The following RANBP3 variants were observed in gnomAD, a reference collection of about 807,000 sequenced individuals.
RANBP3 encodes the protein RAN binding protein 3, also known as ran-binding protein 3.
In RANBP3, 14 loss-of-function variants were observed where a neutral mutation model predicts 77.3. The observed-to-expected ratio is 0.18, with a 90% CI of 0.12 to 0.28. The LOEUF (loss-of-function observed/expected upper bound fraction) is 0.28. RANBP3 is among the 10% of genes least tolerant of loss of function. The pLI is 1.00. For synonymous variants in RANBP3, 315 were observed against 312.4 expected (o/e 1.01, Z -0.09); for missense variants, 586 against 752.3 (o/e 0.78, Z 2.59).
chr19:5,958,045 G>A lies in RANBP3; in HGVS notation c.23-72C>T. The A allele has an allele frequency of 7.5e-7, 1 of 1,326,442 alleles. No individual in the cohort carries two copies. Among genetic ancestry groups the A allele is most frequent in the South Asian group, 1.2e-5 (1 of 84,014 alleles). The allele number at this position is 1,326,442 out of a possible 1,614,324, so 82.2% of individuals were successfully genotyped here. On this transcript the variant is annotated intron_variant, in intron 1 of 16. Coordinates refer to ENST00000340578, the MANE Select transcript of RANBP3 (RefSeq NM_007322.3). This position sits in a 1 kb window ranked among gnomAD's most constrained non-coding sequence, Gnocchi z 4.4. ...ACAGTAAACAAAGCTACACTTGTTTGTAATATGTTAAACATATATATAAAT... is the reference window on the plus strand; with the variant it reads ...ACAGTAAACAAAGCTACACTTGTTTATAATATGTTAAACATATATATAAAT...
Position 5,955,807 on chromosome 19 carries a change from G to A in RANBP3, c.78+2111C>T, listed in dbSNP as rs377522392. On this transcript the variant is annotated intron_variant, in intron 2 of 16. Coordinates refer to ENST00000340578, the MANE Select transcript of RANBP3 (RefSeq NM_007322.3). ...GTAGCAGCCACAGGCAACCGCAAAG[G>A]GGATAGTTGTGGCTCTGTTCTTGTT... 1.6e-3 allele frequency among the ~76,000 whole-genome samples: 248 copies of A among 152,316 alleles called. 1 individual carries two copies. Among genetic ancestry groups the A allele is most frequent in the South Asian group, 6.0e-3 (29 of 4,830 alleles).
intron 6 of RANBP3, 155 bp from the exon 7 acceptor site, chr19:5,932,699 C>T: frequency 1.7e-6 from 1 of 601,696 alleles, no homozygotes; most frequent in East Asian, 2.8e-5. Context: ...TTTTTAACAG[C>T]TGGCCAGGAG....
chr19:5,938,460 C>G (rs942014340), intron 5 of RANBP3, among the ~76,000 whole-genome samples: 1 of 152,120 alleles, frequency 6.6e-6, no homozygotes, highest in Non-Finnish European at 1.5e-5. Flanking sequence ...GAGGCTGAGG[C>G]GGGAAGCTCG....
intron 6 of RANBP3, chr19:5,933,047 C>A (rs2058015685): frequency 3.6e-6 from 1 of 276,046 alleles, no homozygotes; most frequent in Non-Finnish European, 6.9e-6. Context: ...TAGCAGCGCG[C>A]CGCTGGAATG....
In RANBP3 at chr19:5,924,786, A is replaced by G. The variant is rs759271392; in HGVS notation, c.996+41T>C. The G allele has an allele frequency of 9.5e-6, 15 of 1,579,194 alleles. No homozygotes were observed. In the Admixed American group the frequency reaches 1.5e-4, roughly 16 times the overall value. The stretch of plus-strand genomic sequence containing the variant: ...CCCTTGACCTGTGGCTGGCGCCGAG[A>G]GCCTCTGGTCCCTGAGAACATTCCC... On this transcript the variant is annotated intron_variant, in intron 11 of 16. Coordinates refer to ENST00000340578, the MANE Select transcript of RANBP3 (RefSeq NM_007322.3). The surrounding 1 kb of genome is among the most constrained non-coding windows in gnomAD (Gnocchi z 4.7).
At chr19:5,965,503 T>C (rs1173608457) in intron 1 of RANBP3, among the ~76,000 whole-genome samples, 2 of 152,104 alleles carry the variant, frequency 1.3e-5, no homozygotes, top group African/African-American at 4.8e-5. Context: ...ATGAATTCTG[T>C]GTCTATTTCA....
Position 5,921,042 on chromosome 19 carries a change from A to C in RANBP3, c.1330+159T>G. 3.7e-6 allele frequency: 3 copies of C among 806,688 alleles called. No homozygotes were observed. The highest frequency in any genetic ancestry group is 2.2e-5 in the South Asian group (1 of 44,548). The allele number at this position is 806,688 out of a possible 1,614,324, so 50.0% of individuals were successfully genotyped here. A position where few individuals can be genotyped will look rare whatever the true frequency, so the allele number is the denominator to read the frequency against. On this transcript the variant is annotated intron_variant, in intron 14 of 16. Transcript: ENST00000340578. This position sits in a 1 kb window ranked among gnomAD's most constrained non-coding sequence, Gnocchi z 5.3. ...GTGGTGTTGAGGGCTGGGTGCAGGG[A>C]GGGGGTTTGGGGGGCGGCTCTCATG...
chr19:5,929,850 C>T (rs896329045), intron 8 of RANBP3, among the ~76,000 whole-genome samples: 2 of 152,354 alleles, frequency 1.3e-5, no homozygotes, highest in Admixed American at 6.5e-5. Flanking sequence ...GGCCGCATGG[C>T]TCCACCCCAG....
intron 3 of RANBP3, among the ~76,000 whole-genome samples, chr19:5,947,388 C>G (rs1285470751): frequency 6.6e-6 from 1 of 151,916 alleles, no homozygotes; most frequent in Non-Finnish European, 1.5e-5. Context: ...TCCGAAGACT[C>G]GAGCTTAGTG....
intron 14 of RANBP3, among the ~76,000 whole-genome samples, chr19:5,919,447 G>A (rs1203106679): frequency 6.6e-6 from 1 of 152,212 alleles, no homozygotes; most frequent in Admixed American, 6.5e-5. Context: ...AAAGACAGAG[G>A]TGATTTTGCT....
At chr19:5,937,198 A>C (rs1362437611) in intron 5 of RANBP3, among the ~76,000 whole-genome samples, 1 of 152,026 alleles carries the variant, frequency 6.6e-6, no homozygotes, top group Non-Finnish European at 1.5e-5. Context: ...CCAGAGTCTA[A>C]AGTGTCTCTC....
At position 5,921,569 on chromosome 19, in the gene RANBP3, C is replaced by T. The variant is rs945989457; in HGVS notation, c.1210-248G>A. Among the ~76,000 whole-genome samples, 5 of 152,236 alleles carry T rather than the reference C, an allele frequency of 3.3e-5. No individual in the cohort carries two copies. The highest frequency in any genetic ancestry group is 7.3e-5 in the Non-Finnish European group (5 of 68,032). ...AACAACGGTGAGAAGCCTCTCTGCG[C>T]ACTCTAGGACGGCTATACCCATGTG... On this transcript the variant is annotated intron_variant, in intron 13 of 16. Transcript: ENST00000340578. The surrounding 1 kb of genome is among the most constrained non-coding windows in gnomAD (Gnocchi z 5.3).
At chr19:5,946,685 T>C (rs370816325) in intron 3 of RANBP3, among the ~76,000 whole-genome samples, 2 of 152,172 alleles carry the variant, frequency 1.3e-5, no homozygotes, top group Non-Finnish European at 2.9e-5. Flanking sequence ...CTCCACACCC[T>C]GCACCTTGCT....
At position 5,917,913 on chromosome 19, in the gene RANBP3, C is replaced by G. The variant is rs766342300; in HGVS notation, c.1541G>C (p.Arg514Pro). Residue 514 changes from arginine (R) to proline (P), a missense_variant, in exon 16 of 17, where the codon CGC becomes CCC. Coordinates refer to ENST00000340578, the MANE Select transcript of RANBP3 (RefSeq NM_007322.3). ...CTTGGCCTCCTGCTCCTGCTCCACG[C>G]GGCTGCGCAGGGCCAGGATGCGGTG... Reference protein sequence around the residue: ...LHHRILALRSRVEQEQEAKMP... With the variant: ...LHHRILALRSPVEQEQEAKMP... 28 of 1,612,928 alleles carry G rather than the reference C, an allele frequency of 1.7e-5. No homozygotes were observed. Among genetic ancestry groups the G allele is most frequent in the Non-Finnish European group, 2.4e-5 (28 of 1,179,866 alleles).
At chr19:5,970,351 CCACT>C (rs1468158012) in intron 1 of RANBP3, among the ~76,000 whole-genome samples, 2 of 152,144 alleles carry the variant, frequency 1.3e-5, no homozygotes, top group Admixed American at 6.5e-5. Context: ...CTCTCCCTCC[CCACT>C]CAGACTGTGG....
intron 1 of RANBP3, among the ~76,000 whole-genome samples, chr19:5,967,364 C>G (rs2058479981): frequency 6.6e-6 from 1 of 152,206 alleles, no homozygotes; most frequent in South Asian, 2.1e-4. Flanking sequence ...CCTTCAACTA[C>G]CGAACTCCAA....
chr19:5,962,753 C>T (rs1220084390), intron 1 of RANBP3: 1 of 456,026 alleles, frequency 2.2e-6, no homozygotes, highest in Admixed American at 2.3e-5. Flanking sequence ...CATTTCTACT[C>T]AGGCCAAAGG....
intron 15 of RANBP3, 92 bp from the exon 16 acceptor site, chr19:5,918,072 A>G (rs1272092231): frequency 7.2e-7 from 1 of 1,381,314 alleles, no homozygotes; most frequent in African/African-American, 1.5e-5. Context: ...CAAGGTTCAG[A>G]GGTGACACTG....
chr19:5,927,945 T>C lies in RANBP3; in HGVS notation c.813+23A>G, dbSNP rs563417269. 1.8e-5 allele frequency: 28 copies of C among 1,589,096 alleles called. 1 individual carries two copies. The South Asian group carries it at 2.5e-4, about 14-fold the overall frequency. On this transcript the variant is annotated intron_variant, in intron 9 of 16. Coordinates refer to ENST00000340578, the MANE Select transcript of RANBP3 (RefSeq NM_007322.3). ...CTGGGGAAGGCATAAAAAGTCAATG[T>C]GCTGGTTCAACAGCTCACATACCTT...
Sources: gnomAD v4.1 joint callset for allele counts (sites outside exome capture counted in the v4.1 genomes callset) on GRCh38, gnomAD v4.1.1 for gene constraint, Gnocchi (gnomAD v3.1) non-coding constraint, MANE v1.5 for transcripts, NCBI Gene and HGNC (gene_info 2026-07-23, HGNC 2026-07-21) for gene names.